The following WDTC1 variants were observed in gnomAD, a reference collection of about 807,000 sequenced individuals.
WDTC1 encodes WD and tetratricopeptide repeats 1.
A neutral mutation model predicts 76.0 loss-of-function variants in WDTC1; 12 were observed. The ratio of observed to expected loss-of-function variants is 0.16; its 90% CI spans 0.10 to 0.26. The LOEUF (loss-of-function observed/expected upper bound fraction) is 0.26. Among genes scored for constraint, WDTC1 ranks in the 10% least tolerant of loss-of-function variants. WDTC1 has a pLI of 1.00. For synonymous variants in WDTC1, 326 were observed against 350.8 expected (o/e 0.93, Z 0.79); for missense variants, 511 against 908.8 (o/e 0.56, Z 5.63).
At chr1:27,275,550 G>A (rs573251917) in intron 3 of WDTC1, among the ~76,000 whole-genome samples, 76 of 151,770 alleles carry the variant, frequency 5.0e-4, no homozygotes, top group Non-Finnish European at 8.2e-4. Context: ...CCCAGGAGGC[G>A]GAGGTTGCAG....
At chr1:27,286,663 C>T (rs919369162) in intron 5 of WDTC1, among the ~76,000 whole-genome samples, 2 of 151,022 alleles carry the variant, frequency 1.3e-5, no homozygotes, top group East Asian at 2.0e-4. Flanking sequence ...GGGGTTTCAC[C>T]GTGTTAGCCA....
At chr1:27,246,753 G>C (rs1172738627) in intron 1 of WDTC1, among the ~76,000 whole-genome samples, 1 of 151,362 alleles carries the variant, frequency 6.6e-6, no homozygotes, top group Non-Finnish European at 1.5e-5. Context: ...GTAGAGATGG[G>C]GTTTCACCAT....
At chr1:27,302,339 A>G (rs866515481) in intron 13 of WDTC1, among the ~76,000 whole-genome samples, 2 of 150,196 alleles carry the variant, frequency 1.3e-5, no homozygotes, top group African/African-American at 4.9e-5. Flanking sequence ...AATGGTGTGC[A>G]TGCTGGGAGG....
rs1250960417 is a variant in WDTC1, at chr1:27,306,702, GGGGA to G, written c.*322_*325del. 2.5e-6 allele frequency: 1 copy of G among 397,824 alleles called. No homozygotes were observed. Among genetic ancestry groups the G allele is most frequent in the African/African-American group, 2.0e-5 (1 of 49,354 alleles). The allele number at this position is 397,824 out of a possible 1,614,324, so 24.6% of individuals were successfully genotyped here. A position where few individuals can be genotyped will look rare whatever the true frequency, so the allele number is the denominator to read the frequency against. ...CCTCAAAACCCCTTCTGCCTCAGGT[GGGGA>G]GGAACAAGCTGAACTGTCTTCAGGG... On this transcript the variant is annotated 3_prime_UTR_variant, in exon 16 of 16. Coordinates refer to ENST00000319394, the MANE Select transcript of WDTC1 (RefSeq NM_001276252.2). The surrounding 1 kb of genome is among the most constrained non-coding windows in gnomAD (Gnocchi z 5.0).
At chr1:27,285,996 G>GTTT (rs5773184) in intron 5 of WDTC1, among the ~76,000 whole-genome samples, 26 of 63,310 alleles carry the variant, frequency 4.1e-4, no homozygotes, top group African/African-American at 5.9e-4. Flanking sequence ...CAGGATGGTG[G>GTTT]TTTTTTTTTT....
At chr1:27,283,314 C>T in intron 4 of WDTC1, 24 bp from the exon 5 acceptor site, 1 of 1,599,638 alleles carries the variant, frequency 6.3e-7, no homozygotes, top group Non-Finnish European at 8.6e-7. Context: ...GAGGAGAGAT[C>T]ACAATCCCTC....
intron 1 of WDTC1, among the ~76,000 whole-genome samples, chr1:27,240,256 C>T (rs2011589213): frequency 6.6e-6 from 1 of 152,074 alleles, no homozygotes; most frequent in Non-Finnish European, 1.5e-5. Context: ...TTACCATTAT[C>T]CCCACTTTAC....
intron 1 of WDTC1, among the ~76,000 whole-genome samples, chr1:27,247,167 C>T (rs1015952010): frequency 1.3e-5 from 2 of 151,968 alleles, no homozygotes; most frequent in Admixed American, 1.3e-4. Flanking sequence ...AGCGATTCTC[C>T]TGCCTCAGCC....
At chr1:27,293,555 A>G (rs2013599428) in intron 7 of WDTC1, among the ~76,000 whole-genome samples, 1 of 151,978 alleles carries the variant, frequency 6.6e-6, no homozygotes, top group Non-Finnish European at 1.5e-5. Context: ...GTCTTTCTTA[A>G]AGAAATCACT....
intron 1 of WDTC1, among the ~76,000 whole-genome samples, chr1:27,250,255 C>T (rs1392824302): frequency 6.6e-6 from 1 of 151,762 alleles, no homozygotes. Context: ...GGTGCAATCT[C>T]GGCTCACTGC....
At chr1:27,275,351 G>A (rs1418107056) in intron 3 of WDTC1, among the ~76,000 whole-genome samples, 5 of 152,118 alleles carry the variant, frequency 3.3e-5, no homozygotes, top group African/African-American at 1.2e-4. Flanking sequence ...GCTTTTTAAG[G>A]TAATACCATT....
chr1:27,286,199 C>G (rs1157111218), intron 5 of WDTC1, among the ~76,000 whole-genome samples: 2 of 151,560 alleles, frequency 1.3e-5, no homozygotes, highest in East Asian at 3.9e-4. Context: ...GACGGGGTTT[C>G]ACCATGTTGG....
At chr1:27,247,712 C>CTTTTTTTTTTTTTTTTTTT (rs35930144) in intron 1 of WDTC1, among the ~76,000 whole-genome samples, 1 of 136,558 alleles carries the variant, frequency 7.3e-6, no homozygotes, top group African/African-American at 2.7e-5. Context: ...CATTTTCTTT[C>CTTTTTTTTTTTTTTTTTTT]TTTTTTTTTT....
chr1:27,262,832 C>G (rs1168429155), intron 2 of WDTC1, among the ~76,000 whole-genome samples: 6 of 151,954 alleles, frequency 3.9e-5, no homozygotes, highest in Admixed American at 1.3e-4. Flanking sequence ...AATATGTGTC[C>G]TAAAGATGAT....
chr1:27,271,149 T>G (rs964858423), intron 3 of WDTC1, among the ~76,000 whole-genome samples: 3 of 152,160 alleles, frequency 2.0e-5, no homozygotes, highest in Admixed American at 6.6e-5. Flanking sequence ...GTGGGAGGTA[T>G]AAGGTAGAAG....
intron 3 of WDTC1, among the ~76,000 whole-genome samples, chr1:27,269,942 TG>T (rs1345444163): frequency 2.2e-4 from 33 of 149,560 alleles, no homozygotes; most frequent in Non-Finnish European, 3.9e-4. Flanking sequence ...TTGTTGTTGT[TG>T]TTGTTGTTTT....
At position 27,301,748 on chromosome 1, in the gene WDTC1, C is replaced by G. The variant is rs2013836299; in HGVS notation, c.1468+287C>G. Among the ~76,000 whole-genome samples the G allele has an allele frequency of 6.6e-6, 1 of 152,222 alleles. No homozygotes were observed. Among genetic ancestry groups the G allele is most frequent in the South Asian group, 2.1e-4 (1 of 4,836 alleles). On this transcript the variant is annotated intron_variant, in intron 13 of 15. Transcript: ENST00000319394. This position sits in a 1 kb window ranked among gnomAD's most constrained non-coding sequence, Gnocchi z 5.8. ...GCCTGGTGCCCAGGATAGGAGGAAG[C>G]TGAGCTCAGTCAGGCTCCCGCTAGG...
chr1:27,251,294 T>A (rs1255344515), intron 1 of WDTC1, among the ~76,000 whole-genome samples: 1 of 152,002 alleles, frequency 6.6e-6, no homozygotes, highest in Non-Finnish European at 1.5e-5. Flanking sequence ...ATGATGGGGT[T>A]ACATGGTGAT....
rs114051804 is a variant in WDTC1, at chr1:27,264,462, A to C, written c.132+1227A>C. Among the ~76,000 whole-genome samples, 321 of 152,022 alleles carry C rather than the reference A, an allele frequency of 2.1e-3. 2 individuals are homozygous for C. The highest frequency in any genetic ancestry group is 7.4e-3 in the African/African-American group (306 of 41,460). Reference sequence around the variant, plus strand: ...AAATAATAAAATGTTTAAAAAAAAAAACCAAAACCAAAAACCAGAACGCTT... The same window carrying C: ...AAATAATAAAATGTTTAAAAAAAAACACCAAAACCAAAAACCAGAACGCTT... On this transcript the variant is annotated intron_variant, in intron 3 of 15. Transcript: ENST00000319394.
Sources: gnomAD v4.1 joint callset for allele counts (sites outside exome capture counted in the v4.1 genomes callset) on GRCh38, gnomAD v4.1.1 for gene constraint, Gnocchi (gnomAD v3.1) non-coding constraint, MANE v1.5 for transcripts, NCBI Gene and HGNC (gene_info 2026-07-23, HGNC 2026-07-21) for gene names.